Variants in PXDNL observed in about 807,000 individuals in gnomAD.
The protein encoded by PXDNL is peroxidasin like.
In PXDNL, 145 loss-of-function variants were observed where a neutral mutation model predicts 150.8. The observed-to-expected ratio is 0.96, with a 90% CI of 0.84 to 1.10. The LOEUF (loss-of-function observed/expected upper bound fraction) is 1.10. Ranked by LOEUF, PXDNL falls within the 50% of genes least tolerant of loss-of-function variation. The probability of loss-of-function intolerance (pLI) is 0.00; values close to 1 mark genes in which losing one functional copy is unlikely to be tolerated. For missense variants in PXDNL, 2,087 were observed against 1,873.9 expected (o/e 1.11, Z -2.10); for synonymous variants, 757 against 725.7 (o/e 1.04, Z -0.69).
rs139866403 is a variant in PXDNL, at chr8:51,422,660, G to A, written c.1795+915C>T. Among the ~76,000 whole-genome samples, 42 of 152,338 alleles carry A rather than the reference G, an allele frequency of 2.8e-4. No individual in the cohort carries two copies. In the East Asian group the frequency reaches 7.9e-3, roughly 29 times the overall value. ...AAATTTGTTCATTTTTAAGGAAACT[G>A]AAAGCTGAGCAAAGCCCAAAATAGC... On this transcript the variant is annotated intron_variant, in intron 14 of 22. Coordinates refer to ENST00000356297, the MANE Select transcript of PXDNL (RefSeq NM_144651.5).
intron 1 of PXDNL, among the ~76,000 whole-genome samples, chr8:51,735,274 A>G (rs1817008383): frequency 6.6e-6 from 1 of 151,934 alleles, no homozygotes; most frequent in Admixed American, 6.6e-5. Context: ...TGAGGTCAGG[A>G]GTTTGAGATC....
chr8:51,735,803 C>G (rs1226992025), intron 1 of PXDNL, among the ~76,000 whole-genome samples: 2 of 151,812 alleles, frequency 1.3e-5, no homozygotes, highest in Non-Finnish European at 2.9e-5. Context: ...GCCTCGGCCT[C>G]CCAAAGTGCT....
intron 1 of PXDNL, among the ~76,000 whole-genome samples, chr8:51,773,888 T>C (rs1351933442): frequency 6.6e-6 from 1 of 152,238 alleles, no homozygotes; most frequent in Non-Finnish European, 1.5e-5. Flanking sequence ...AAAACTGATT[T>C]GTAGCCTTTC....
intron 1 of PXDNL, among the ~76,000 whole-genome samples, chr8:51,704,400 G>T (rs1816320664): frequency 6.6e-6 from 1 of 152,062 alleles, no homozygotes; most frequent in Admixed American, 6.6e-5. Context: ...AAGATATTTG[G>T]GTTGCTAAGA....
In PXDNL at chr8:51,741,503, A is replaced by G. The variant is rs184782313; in HGVS notation, c.164+67678T>C. ...TTCTAAGTTTTACAAGGAAAGACAC[A>G]GGATCTAAACAGCTAAAAAAGACAA... On this transcript the variant is annotated intron_variant, in intron 1 of 22. Coordinates refer to ENST00000356297, the MANE Select transcript of PXDNL (RefSeq NM_144651.5). Among the ~76,000 whole-genome samples, 5 of 152,334 alleles carry G rather than the reference A, an allele frequency of 3.3e-5. No homozygotes were observed. The East Asian group carries it at 9.6e-4, about 29-fold the overall frequency.
At chr8:51,565,915 C>G (rs1563466833) in intron 3 of PXDNL, among the ~76,000 whole-genome samples, 1 of 151,784 alleles carries the variant, frequency 6.6e-6, no homozygotes, top group Non-Finnish European at 1.5e-5. Context: ...TAGTTTCTCA[C>G]CATTAAGCAT....
intron 3 of PXDNL, among the ~76,000 whole-genome samples, chr8:51,586,892 C>T (rs539899237): frequency 6.6e-6 from 1 of 152,256 alleles, no homozygotes; most frequent in Admixed American, 6.5e-5. Context: ...GAATGATAAC[C>T]ATGGCCAGAA....
intron 1 of PXDNL, among the ~76,000 whole-genome samples, chr8:51,672,353 A>G (rs1420162596): frequency 6.6e-6 from 1 of 152,174 alleles, no homozygotes; most frequent in African/African-American, 2.4e-5. Context: ...CTTTAAGTAA[A>G]TTATCTCACA....
intron 1 of PXDNL, among the ~76,000 whole-genome samples, chr8:51,791,211 A>G (rs1191032767): frequency 1.3e-5 from 2 of 152,242 alleles, no homozygotes; most frequent in Non-Finnish European, 2.9e-5. Context: ...TAGATCTGTG[A>G]GCCAGAAATA....
chr8:51,515,392 T>C lies in PXDNL; in HGVS notation c.381-15622A>G, dbSNP rs940606039. Among the ~76,000 whole-genome samples, 4 of 152,116 alleles carry C rather than the reference T, an allele frequency of 2.6e-5. No individual in the cohort carries two copies. The South Asian group carries it at 6.2e-4, about 24-fold the overall frequency. On this transcript the variant is annotated intron_variant, in intron 4 of 22. Coordinates refer to ENST00000356297, the MANE Select transcript of PXDNL (RefSeq NM_144651.5). ...GGAGAAGGAACCCACTGTGAACACATACCTGATAGTTCTGGGAAGCTGACT... is the reference window on the plus strand; with the variant it reads ...GGAGAAGGAACCCACTGTGAACACACACCTGATAGTTCTGGGAAGCTGACT...
At chr8:51,431,899 G>A (rs1375568749) in intron 12 of PXDNL, among the ~76,000 whole-genome samples, 2 of 152,018 alleles carry the variant, frequency 1.3e-5, no homozygotes, top group Middle Eastern at 3.2e-3. Flanking sequence ...TTAAATTTGG[G>A]AATTCTCTAT....
At chr8:51,502,694 T>A (rs1811212317) in intron 4 of PXDNL, among the ~76,000 whole-genome samples, 1 of 152,106 alleles carries the variant, frequency 6.6e-6, no homozygotes, top group Admixed American at 6.6e-5. Flanking sequence ...AACTTTTTAA[T>A]GCTTTGAAAC....
At chr8:51,700,332 C>T (rs1242209205) in intron 1 of PXDNL, among the ~76,000 whole-genome samples, 1 of 151,870 alleles carries the variant, frequency 6.6e-6, no homozygotes, top group Non-Finnish European at 1.5e-5. Context: ...TAAATACACA[C>T]ATATACACAC....
chr8:51,797,709 T>C (rs2037576000), intron 1 of PXDNL, among the ~76,000 whole-genome samples: 1 of 123,714 alleles, frequency 8.1e-6, no homozygotes, highest in African/African-American at 2.5e-5. Flanking sequence ...TCCATGTTCA[T>C]GGATAGGAAG....
intron 21 of PXDNL, among the ~76,000 whole-genome samples, chr8:51,322,353 A>G (rs111470183): frequency 2.6e-4 from 40 of 152,184 alleles, no homozygotes; most frequent in Admixed American, 1.6e-3. Context: ...GTGTTAAAGC[A>G]TGGGTACCAG....
chr8:51,786,839 T>C (rs967120179), intron 1 of PXDNL, among the ~76,000 whole-genome samples: 1 of 152,194 alleles, frequency 6.6e-6, no homozygotes, highest in Admixed American at 6.5e-5. Context: ...AAGACTTTTG[T>C]AGCAAGAAAG....
rs762464001 is a variant in PXDNL, at chr8:51,409,098, A to G, written c.2526T>C (p.Cys842=). The change falls in exon 17 of 23, where the codon TGT becomes TGC. Residue 842 remains cysteine (C), a synonymous_variant. Coordinates refer to ENST00000356297, the MANE Select transcript of PXDNL (RefSeq NM_144651.5). ...CGGCGTGCCGGGTGTTCATGGGGAA[A>G]CAAGGAGGGTCGTTGGTGCAGACGG... The part of the protein sequence containing the change: ...CSSVCTNDPP[C]FPMNTRHADP... 3.1e-6 allele frequency: 5 copies of G among 1,609,384 alleles called. No homozygotes were observed. The South Asian group carries it at 4.4e-5, about 14-fold the overall frequency.
intron 2 of PXDNL, among the ~76,000 whole-genome samples, chr8:51,622,529 T>C (rs982291860): frequency 6.6e-6 from 1 of 152,208 alleles, no homozygotes; most frequent in Non-Finnish European, 1.5e-5. Context: ...AGAAATCACC[T>C]AGAACAATGC....
At chr8:51,803,281 T>C (rs1316247025) in intron 1 of PXDNL, among the ~76,000 whole-genome samples, 1 of 152,158 alleles carries the variant, frequency 6.6e-6, no homozygotes, top group African/African-American at 2.4e-5. Context: ...AGCGAGTATC[T>C]CTCTTTGGAA....
Sources: allele counts gnomAD v4.1 joint callset (sites outside exome capture counted in the v4.1 genomes callset), GRCh38; gene constraint gnomAD v4.1.1; transcripts MANE v1.5; gene names NCBI Gene and HGNC (gene_info 2026-07-23, HGNC 2026-07-21).